RNF217: variants seen among roughly 807,000 people sequenced by gnomAD.
RNF217 encodes the protein ring finger protein 217.
Under a neutral mutation model 57.8 loss-of-function variants are expected in RNF217, and 31 were observed. That is an observed-to-expected ratio of 0.54 (90% CI 0.40 to 0.72). The LOEUF (loss-of-function observed/expected upper bound fraction) is 0.72. RNF217 is among the 30% of genes least tolerant of loss of function. The pLI is 0.00. For missense variants in RNF217, 696 were observed against 708.3 expected, an observed-to-expected ratio of 0.98 and a Z score of 0.20; for synonymous variants, 313 against 294.0, an observed-to-expected ratio of 1.06 and a Z score of -0.66.
chr6:125,076,661 A>T lies in RNF217; in HGVS notation c.1286A>T (p.His429Leu), dbSNP rs766873606. The T allele has an allele frequency of 1.2e-6, 2 of 1,608,200 alleles. No individual in the cohort carries two copies. The highest frequency in any genetic ancestry group is 2.2e-5 in the South Asian group (2 of 90,950). The part of the protein sequence containing the change: ...NAQKCPKCKI[H>L]IQRTEGCDHM... Reference sequence around the variant, plus strand: ...TTCCCTCTCTTGCTGATACAGATCCACATCCAGCGAACTGAAGGATGTGAC... The same window carrying T: ...TTCCCTCTCTTGCTGATACAGATCCTCATCCAGCGAACTGAAGGATGTGAC... Residue 429 changes from histidine to leucine, a missense_variant, in exon 4 of 6, where the codon CAC becomes CTC. This residue lies in a region of RNF217 where 231 missense variants were observed against 321.4 expected (regional missense o/e 0.72). Coordinates refer to ENST00000521654, the MANE Select transcript of RNF217 (RefSeq NM_001286398.3).
intron 1 of RNF217, among the ~76,000 whole-genome samples, chr6:124,995,445 C>T (rs1178704015): frequency 6.6e-6 from 1 of 152,134 alleles, no homozygotes; most frequent in African/African-American, 2.4e-5. Context: ...TAGTTGTGCA[C>T]ATTTTTAATC....
In RNF217 at chr6:124,969,367, T is replaced by C. The variant is rs569788262; in HGVS notation, c.882+5941T>C. 4.6e-5 allele frequency among the ~76,000 whole-genome samples: 7 copies of C among 152,312 alleles called. No individual in the cohort carries two copies. In the East Asian group the frequency reaches 1.3e-3, roughly 29 times the overall value. ...ATGACATACTTAAAAATGTTTATTTTTTTCAAATTCAGTTTGTCAGAAGGG... is the reference window on the plus strand; with the variant it reads ...ATGACATACTTAAAAATGTTTATTTCTTTCAAATTCAGTTTGTCAGAAGGG... On this transcript the variant is annotated intron_variant, in intron 1 of 5. Transcript: ENST00000521654.
chr6:125,050,638 G>T (rs1787277759), intron 2 of RNF217, among the ~76,000 whole-genome samples: 1 of 151,914 alleles, frequency 6.6e-6, no homozygotes, highest in African/African-American at 2.4e-5. Context: ...AAGATAACTT[G>T]AGAACTGTTT....
At chr6:125,029,234 A>G (rs1318820881) in intron 1 of RNF217, among the ~76,000 whole-genome samples, 1 of 152,202 alleles carries the variant, frequency 6.6e-6, no homozygotes, top group African/African-American at 2.4e-5. Context: ...TTATACCCCT[A>G]GAATGAGTTT....
At chr6:125,041,930 A>C (rs1582743600) in intron 1 of RNF217, among the ~76,000 whole-genome samples, 1 of 152,258 alleles carries the variant, frequency 6.6e-6, no homozygotes, top group East Asian at 1.9e-4. Context: ...AACACTGCAA[A>C]TTAAACTATT....
At chr6:124,993,069 A>G (rs1784622273) in intron 1 of RNF217, among the ~76,000 whole-genome samples, 1 of 152,228 alleles carries the variant, frequency 6.6e-6, no homozygotes, top group Non-Finnish European at 1.5e-5. Context: ...AATCAAATAA[A>G]ACATTTTGTA....
intron 1 of RNF217, among the ~76,000 whole-genome samples, chr6:124,981,434 A>G (rs1216696201): frequency 3.3e-5 from 5 of 152,168 alleles, no homozygotes; most frequent in Admixed American, 6.5e-5. Flanking sequence ...ATGAGACATC[A>G]ATCAGTATGT....
At chr6:125,051,103 A>T (rs1787296840) in intron 2 of RNF217, among the ~76,000 whole-genome samples, 1 of 151,870 alleles carries the variant, frequency 6.6e-6, no homozygotes, top group East Asian at 1.9e-4. Flanking sequence ...CATAAATTAG[A>T]CACAATATTT....
At chr6:125,046,717 G>A in intron 2 of RNF217, 1 of 455,524 alleles carries the variant, frequency 2.2e-6, no homozygotes, top group Non-Finnish European at 4.4e-6. Context: ...TATTCATTTT[G>A]TAGCTTTGAG....
rs1046364285 is a variant in RNF217 at position 125,089,242 on chromosome 6, C to G, written c.*6305C>G. 4 of 152,176 alleles carry G rather than the reference C, an allele frequency of 2.6e-5. No individual in the cohort carries two copies. The highest frequency in any genetic ancestry group is 2.6e-4 in the Admixed American group (4 of 15,266). 9.4% of individuals were successfully genotyped at this position (152,176 alleles called of 1,614,324 possible). On this transcript the variant is annotated 3_prime_UTR_variant, in exon 6 of 6. Coordinates refer to ENST00000521654, the MANE Select transcript of RNF217 (RefSeq NM_001286398.3). Reference sequence around the variant, plus strand: ...CTAATAATAGTCTAAAACCAAGCTTCAGAAATTGCTTCGTGACTGTTGTAA... The same window carrying G: ...CTAATAATAGTCTAAAACCAAGCTTGAGAAATTGCTTCGTGACTGTTGTAA...
At chr6:124,976,115 C>T (rs1314595622) in intron 1 of RNF217, among the ~76,000 whole-genome samples, 1 of 152,070 alleles carries the variant, frequency 6.6e-6, no homozygotes, top group Non-Finnish European at 1.5e-5. Flanking sequence ...CATATGTATA[C>T]ATACTGTTTG....
At chr6:125,006,121 T>A (rs1274456941) in intron 1 of RNF217, 1 of 152,352 alleles carries the variant, frequency 6.6e-6, no homozygotes, top group East Asian at 1.9e-4. Flanking sequence ...CAGGAACTCC[T>A]GCCTTTTTGG....
intron 1 of RNF217, among the ~76,000 whole-genome samples, chr6:125,033,353 C>A (rs1293445694): frequency 8.5e-6 from 1 of 117,864 alleles, no homozygotes; most frequent in Admixed American, 9.7e-5. Context: ...CCTCCCCCCA[C>A]CCCACAACAG....
In RNF217 at chr6:125,076,714, A is replaced by G; in HGVS notation, c.1339A>G (p.Asn447Asp). ...DHMTCSQCNT[N>D]FCYRCGERYR... is the part of the protein sequence containing the mutation. Reference sequence around the variant, plus strand: ...TATGACCTGCTCACAATGTAACACTAATTTTTGTTACCGATGTGGTGAGAG... The same window carrying G: ...TATGACCTGCTCACAATGTAACACTGATTTTTGTTACCGATGTGGTGAGAG... Residue 447 changes from asparagine (N) to aspartate (D), a missense_variant, in exon 4 of 6, where the codon AAT becomes GAT. Asn to Asp is a conservative substitution (Grantham distance 23). Around this residue, in one of 2 missense-constraint regions of RNF217, gnomAD observed 231 missense variants for 321.4 expected, o/e 0.72. Coordinates refer to ENST00000521654, the MANE Select transcript of RNF217 (RefSeq NM_001286398.3). The G allele has an allele frequency of 6.2e-7, 1 of 1,613,516 alleles. No individual in the cohort carries two copies. Among genetic ancestry groups the G allele is most frequent in the Non-Finnish European group, 8.5e-7 (1 of 1,179,630 alleles).
chr6:124,971,923 A>G (rs1026303779), intron 1 of RNF217, among the ~76,000 whole-genome samples: 3 of 152,100 alleles, frequency 2.0e-5, no homozygotes, highest in Non-Finnish European at 2.9e-5. Context: ...TAGTGGGGCC[A>G]TCTTACCCAC....
intron 1 of RNF217, among the ~76,000 whole-genome samples, chr6:124,997,677 G>T (rs968638754): frequency 8.5e-5 from 13 of 152,136 alleles, no homozygotes; most frequent in African/African-American, 3.1e-4. Flanking sequence ...GTGGCGATGA[G>T]ATACCTGGAC....
intron 1 of RNF217, among the ~76,000 whole-genome samples, chr6:124,993,619 T>C (rs759063238): frequency 2.6e-5 from 4 of 152,142 alleles, no homozygotes; most frequent in Admixed American, 6.6e-5. Flanking sequence ...CGGGTAGATA[T>C]ATAAGTAAAA....
chr6:125,028,414 C>T (rs2759262), intron 1 of RNF217, among the ~76,000 whole-genome samples: 130,717 of 152,024 alleles, frequency 0.86, 56,578 homozygotes, highest in East Asian at 1. Context: ...TTTTATTAGG[C>T]TATTATATAT....
At chr6:125,012,400 T>G (rs1785447079) in intron 1 of RNF217, among the ~76,000 whole-genome samples, 1 of 152,168 alleles carries the variant, frequency 6.6e-6, no homozygotes, top group African/African-American at 2.4e-5. Context: ...ATGTCTACAG[T>G]GTGTTTTTAT....
Sources: gnomAD v4.1 joint callset for allele counts (sites outside exome capture counted in the v4.1 genomes callset) on GRCh38, gnomAD v4.1.1 for gene constraint, gnomAD v4.1.1 regional missense constraint, MANE v1.5 for transcripts, NCBI Gene and HGNC (gene_info 2026-07-23, HGNC 2026-07-21) for gene names.